SCHIP1: variants seen among roughly 807,000 people sequenced by gnomAD.
SCHIP1 encodes the protein schwannomin-interacting protein 1.
In SCHIP1, 8 loss-of-function variants were observed where a neutral mutation model predicts 29.7. The observed-to-expected ratio is 0.27, with a 90% confidence interval of 0.16 to 0.49. The LOEUF (loss-of-function observed/expected upper bound fraction) is 0.49. SCHIP1 is among the 20% of genes least tolerant of loss of function. The probability of loss-of-function intolerance (pLI) is 0.99; values close to 1 mark genes in which losing one functional copy is unlikely to be tolerated. For missense variants in SCHIP1, 193 were observed against 294.6 expected (o/e 0.66, Z 2.52); for synonymous variants, 76 against 94.9 (o/e 0.80, Z 1.16).
At chr3:159,687,117 G>T in the SCHIP1 span, among the ~76,000 whole-genome samples, 169 of 152,044 alleles carry the variant, frequency 1.1e-3, no homozygotes, top group African/African-American at 3.8e-3. Flanking sequence ...CACTGGCTGG[G>T]CTACCCTCTG....
At chr3:159,543,066 CACAT>C in the SCHIP1 span, among the ~76,000 whole-genome samples, 1 of 149,896 alleles carries the variant, frequency 6.7e-6, no homozygotes, top group Non-Finnish European at 1.5e-5. Context: ...TATGTACACA[CACAT>C]ATATATACAC....
chr3:159,495,811 G>A, the SCHIP1 span, among the ~76,000 whole-genome samples: 3 of 152,052 alleles, frequency 2.0e-5, no homozygotes, highest in African/African-American at 7.2e-5. Flanking sequence ...TCAATCCTAA[G>A]CCAAAAGAAC....
chr3:159,357,743 C>G, the SCHIP1 span, among the ~76,000 whole-genome samples: 1 of 152,136 alleles, frequency 6.6e-6, no homozygotes. Context: ...TTTATTGAAG[C>G]AAGAAACATT....
the SCHIP1 span, among the ~76,000 whole-genome samples, chr3:159,428,315 C>A: frequency 1.3e-5 from 2 of 151,718 alleles, 1 homozygote; most frequent in Admixed American, 1.3e-4. Flanking sequence ...GGGCTAATAT[C>A]CAGAATCTAC....
At chr3:159,766,001 T>A in the SCHIP1 span, among the ~76,000 whole-genome samples, 2 of 152,170 alleles carry the variant, frequency 1.3e-5, no homozygotes, top group Non-Finnish European at 2.9e-5. Context: ...AACATCTTTT[T>A]TGCCCCTGAG....
the SCHIP1 span, among the ~76,000 whole-genome samples, chr3:159,729,681 C>T: frequency 6.6e-6 from 1 of 152,086 alleles, no homozygotes; most frequent in Non-Finnish European, 1.5e-5. Context: ...AAATGGCATT[C>T]CCTGTGTTTA....
chr3:159,805,086 T>TG, the SCHIP1 span, among the ~76,000 whole-genome samples: 6 of 152,248 alleles, frequency 3.9e-5, no homozygotes, highest in African/African-American at 1.4e-4. Context: ...AGCCAGGGGA[T>TG]GGGATAATGA....
At chr3:159,289,974 C>T in the SCHIP1 span, among the ~76,000 whole-genome samples, 1 of 152,200 alleles carries the variant, frequency 6.6e-6, no homozygotes, top group Admixed American at 6.5e-5. Flanking sequence ...AGAAAAGATT[C>T]TGCTGCACCC....
the SCHIP1 span, among the ~76,000 whole-genome samples, chr3:159,532,429 CAT>C: frequency 3.9e-5 from 6 of 152,170 alleles, no homozygotes; most frequent in South Asian, 2.1e-4. Context: ...TTGGTTCACT[CAT>C]GTGTGCACTG....
the SCHIP1 span, among the ~76,000 whole-genome samples, chr3:159,457,657 G>A: frequency 4.1e-4 from 63 of 152,188 alleles, no homozygotes; most frequent in African/African-American, 1.5e-3. Flanking sequence ...AATATATACA[G>A]TAGTCTTCCC....
At position 159,868,937 on chromosome 3, in the gene SCHIP1, C is replaced by T. The variant is rs967520482; in HGVS notation, c.149+2656C>T. On this transcript the variant is annotated intron_variant, in intron 2 of 6. Coordinates refer to ENST00000445224, the Ensembl canonical transcript of SCHIP1. Reference sequence around the variant, plus strand: ...GCAATGTTTCAGAGATCCTGTGGATCCATAACGTTACTAACATTTGATATT... The same window carrying T: ...GCAATGTTTCAGAGATCCTGTGGATTCATAACGTTACTAACATTTGATATT... Among the ~76,000 whole-genome samples the T allele has an allele frequency of 2.6e-5, 4 of 152,004 alleles. No homozygotes were observed. The South Asian group carries it at 8.3e-4, about 31-fold the overall frequency.
chr3:159,463,456 C>G, the SCHIP1 span, among the ~76,000 whole-genome samples: 1 of 151,954 alleles, frequency 6.6e-6, no homozygotes, highest in Non-Finnish European at 1.5e-5. Context: ...TGATGTTTTA[C>G]CTATGGTAAT....
At chr3:159,441,049 A>G in the SCHIP1 span, among the ~76,000 whole-genome samples, 1 of 152,164 alleles carries the variant, frequency 6.6e-6, no homozygotes, top group East Asian at 1.9e-4. Flanking sequence ...TTACATGCAA[A>G]AGCATGTGGA....
chr3:159,729,058 G>A, the SCHIP1 span, among the ~76,000 whole-genome samples: 1 of 151,958 alleles, frequency 6.6e-6, no homozygotes, highest in Non-Finnish European at 1.5e-5. Context: ...TGAGGCAGGA[G>A]AATCACTTGA....
the SCHIP1 span, among the ~76,000 whole-genome samples, chr3:159,712,842 AAGAAAGAGAGAG>A: frequency 3.5e-4 from 50 of 144,876 alleles, no homozygotes; most frequent in Middle Eastern, 3.5e-3. Flanking sequence ...GAAAGAAAGA[AAGAAAGAGAGAG>A]AGAAAGAGAG....
chr3:159,883,039 C>T (rs1418834548), intron 2 of SCHIP1, among the ~76,000 whole-genome samples: 6 of 152,176 alleles, frequency 3.9e-5, no homozygotes, highest in Non-Finnish European at 5.9e-5. Flanking sequence ...CCAGTAGCTC[C>T]GGGCAGCAGC....
At chr3:159,389,851 T>C in the SCHIP1 span, among the ~76,000 whole-genome samples, 5 of 152,034 alleles carry the variant, frequency 3.3e-5, no homozygotes, top group Non-Finnish European at 5.9e-5. Context: ...TAAGCTATTT[T>C]ATAACTGAAA....
chr3:159,573,551 T>C, the SCHIP1 span, among the ~76,000 whole-genome samples: 11 of 152,322 alleles, frequency 7.2e-5, no homozygotes, highest in South Asian at 2.3e-3. Context: ...ACTTTTTCCT[T>C]CATTTCATCC....
At chr3:159,697,773 C>T in the SCHIP1 span, among the ~76,000 whole-genome samples, 36 of 151,726 alleles carry the variant, frequency 2.4e-4, no homozygotes, top group African/African-American at 6.0e-4. Flanking sequence ...AAAGTTGGGC[C>T]GAATAATAAC....
Sources: allele counts gnomAD v4.1 joint callset (sites outside exome capture counted in the v4.1 genomes callset), GRCh38; gene constraint gnomAD v4.1.1; transcripts MANE v1.5; gene names NCBI Gene and HGNC (gene_info 2026-07-23, HGNC 2026-07-21).